The following PPP2R5C variants were observed in gnomAD, a reference collection of about 807,000 sequenced individuals.
PPP2R5C encodes protein phosphatase 2 regulatory subunit B'gamma, also known as serine/threonine-protein phosphatase 2A 56 kDa regulatory subunit gamma isoform.
PPP2R5C carries 7 observed loss-of-function variants against 68.9 expected under a neutral mutation model. The ratio of observed to expected loss-of-function variants is 0.10; its 90% CI spans 0.06 to 0.19. The LOEUF is 0.19. Ranked by LOEUF, PPP2R5C falls within the 10% of genes least tolerant of loss-of-function variation. The probability of loss-of-function intolerance (pLI) is 1.00; values close to 1 mark genes in which losing one functional copy is unlikely to be tolerated. For synonymous variants in PPP2R5C, 210 were observed against 222.2 expected (o/e 0.95, Z 0.49); for missense variants, 348 against 641.3 (o/e 0.54, Z 4.94).
In PPP2R5C at chr14:101,911,102, CA is replaced by C. The variant is rs11405783; in HGVS notation, c.1254-1285del. On this transcript the variant is annotated intron_variant, in intron 11 of 13. Coordinates refer to ENST00000334743, the Ensembl canonical transcript of PPP2R5C. Reference sequence around the variant, plus strand: ...TGGGAGACAGAGAGAGACTCCGTCTCAAAAAAAAAAAAAATACAAAAAAAAA... The same window carrying C: ...TGGGAGACAGAGAGAGACTCCGTCTCAAAAAAAAAAAAATACAAAAAAAAA... 1.6e-3 allele frequency among the ~76,000 whole-genome samples: 205 copies of C among 127,106 alleles called. 1 individual carries two copies. Among genetic ancestry groups the C allele is most frequent in the Middle Eastern group, 4.0e-3 (1 of 250 alleles). The allele number at this position is 127,106 out of a possible 152,430, so 83.4% of individuals were successfully genotyped here.
intron 1 of PPP2R5C, among the ~76,000 whole-genome samples, chr14:101,839,909 C>G (rs2041358315): frequency 6.6e-6 from 1 of 151,926 alleles, no homozygotes; most frequent in African/African-American, 2.4e-5. Context: ...GAGATGCCAG[C>G]AGTGTTCTCT....
At chr14:101,821,861 G>A (rs976288669) in intron 1 of PPP2R5C, among the ~76,000 whole-genome samples, 4 of 151,988 alleles carry the variant, frequency 2.6e-5, no homozygotes, top group African/African-American at 7.3e-5. Flanking sequence ...TGTGATGACC[G>A]GGCCAGAGTG....
intron 3 of PPP2R5C, among the ~76,000 whole-genome samples, chr14:101,791,075 G>T (rs144906582): frequency 6.6e-6 from 1 of 152,048 alleles, no homozygotes; most frequent in Non-Finnish European, 1.5e-5. Flanking sequence ...GCAAGACTCC[G>T]TCTCAAAAAA....
intron 13 of PPP2R5C, among the ~76,000 whole-genome samples, chr14:101,918,450 A>G (rs1418222080): frequency 8.6e-5 from 2 of 23,320 alleles, no homozygotes; most frequent in Admixed American, 5.6e-4. Context: ...TTCCCCCCTC[A>G]CCCCCTTCAT....
At chr14:101,911,606 G>T (rs893029645) in intron 11 of PPP2R5C, among the ~76,000 whole-genome samples, 1 of 152,140 alleles carries the variant, frequency 6.6e-6, no homozygotes, top group Non-Finnish European at 1.5e-5. Flanking sequence ...ATCCTGGCCG[G>T]GCGCAGTGGC....
intron 9 of PPP2R5C, among the ~76,000 whole-genome samples, chr14:101,905,681 T>G (rs1566958471): frequency 2.7e-5 from 4 of 147,954 alleles, no homozygotes; most frequent in Admixed American, 1.3e-4. Context: ...AAAAGAAAAA[T>G]GGGGGAACCA....
chr14:101,919,969 C>CAAAAAAAAAAAAAAAAAAAAAA (rs34641396), intron 13 of PPP2R5C, among the ~76,000 whole-genome samples: 2 of 52,882 alleles, frequency 3.8e-5, no homozygotes, highest in African/African-American at 9.0e-5. Flanking sequence ...AACTCCGTCT[C>CAAAAAAAAAAAAAAAAAAAAAA]AAAAAAAAAA....
intron 1 of PPP2R5C, among the ~76,000 whole-genome samples, chr14:101,841,421 A>G (rs1284152960): frequency 6.6e-6 from 1 of 152,234 alleles, no homozygotes; most frequent in African/African-American, 2.4e-5. Context: ...ACAGAAAAGT[A>G]GACTCTAGAG....
chr14:101,797,005 A>C lies in PPP2R5C; in HGVS notation c.259+10822A>C. ...CAACTCGGTGGTATTAGATACATTC[A>C]AAATGCTGTACACCCATCACTACTA... On this transcript the variant is annotated intron_variant, in intron 3 of 14. Coordinates refer to the PPP2R5C transcript ENST00000328724. The surrounding 1 kb of genome is among the most constrained non-coding windows in gnomAD (Gnocchi z 4.2). The C allele has an allele frequency of 2.7e-6, 1 of 372,822 alleles. No homozygotes were observed. Among genetic ancestry groups the C allele is most frequent in the South Asian group, 2.0e-5 (1 of 50,578 alleles). 23.1% of individuals were successfully genotyped at this position (372,822 alleles called of 1,614,324 possible). A position where few individuals can be genotyped will look rare whatever the true frequency, so the allele number is the denominator to read the frequency against.
intron 2 of PPP2R5C, among the ~76,000 whole-genome samples, chr14:101,779,380 G>A (rs1451648688): frequency 4.6e-5 from 7 of 152,302 alleles, no homozygotes; most frequent in African/African-American, 1.7e-4. Flanking sequence ...CTGAGGAGAT[G>A]GTGGGGCCTG....
rs576484988 is a variant in PPP2R5C at position 101,797,197 on chromosome 14, A to G, written c.259+11014A>G. ...CTGTGCCTGGCTTATTTCCCTAAAC[A>G]TAATATCTTCCAGGTCCCCCCACAT... On this transcript the variant is annotated intron_variant, in intron 3 of 14. Coordinates refer to the PPP2R5C transcript ENST00000328724. This position sits in a 1 kb window ranked among gnomAD's most constrained non-coding sequence, Gnocchi z 4.2. 155 of 455,632 alleles carry G rather than the reference A, an allele frequency of 3.4e-4. No individual in the cohort carries two copies. The highest frequency in any genetic ancestry group is 2.9e-3 in the African/African-American group (144 of 50,168). The allele number at this position is 455,632 out of a possible 1,614,324, so 28.2% of individuals were successfully genotyped here.
At chr14:101,872,712 G>C (rs1003832695) in intron 2 of PPP2R5C, among the ~76,000 whole-genome samples, 1 of 152,110 alleles carries the variant, frequency 6.6e-6, no homozygotes, top group South Asian at 2.1e-4. Context: ...AGCTTTCACA[G>C]TTGTCTCTTT....
At chr14:101,774,113 C>A (rs1366141750) in intron 2 of PPP2R5C, among the ~76,000 whole-genome samples, 1 of 152,182 alleles carries the variant, frequency 6.6e-6, no homozygotes, top group African/African-American at 2.4e-5. Flanking sequence ...AACAAGGAGA[C>A]CAACTGGAAG....
intron 1 of PPP2R5C, among the ~76,000 whole-genome samples, chr14:101,852,720 T>C (rs1746589): frequency 0.28 from 43,130 of 151,806 alleles, 6,470 homozygotes; most frequent in African/African-American, 0.37. Context: ...GATCCACCCA[T>C]CTCGGCCTCC....
intron 5 of PPP2R5C, among the ~76,000 whole-genome samples, chr14:101,887,972 C>T (rs551861571): frequency 1.3e-5 from 2 of 152,216 alleles, no homozygotes; most frequent in East Asian, 3.9e-4. Context: ...GTTTGTCTCC[C>T]GCTGGAAAAG....
At chr14:101,761,501 G>A (rs1359456352), upstream of PPP2R5C, among the ~76,000 whole-genome samples, 1 of 149,390 alleles carries the variant, frequency 6.7e-6, no homozygotes, top group Non-Finnish European at 1.5e-5. Context: ...GAGAGGGTGG[G>A]GGGAGCGGGG....
At chr14:101,816,299 G>C (rs61994042) in intron 1 of PPP2R5C, among the ~76,000 whole-genome samples, 1 of 152,168 alleles carries the variant, frequency 6.6e-6, no homozygotes, top group African/African-American at 2.4e-5. Flanking sequence ...TGGTCTAAAC[G>C]TGGGATAAAT....
intron 1 of PPP2R5C, among the ~76,000 whole-genome samples, chr14:101,821,603 T>C (rs113996630): frequency 0.027 from 4,180 of 152,250 alleles, 64 homozygotes; most frequent in Middle Eastern, 0.075. Flanking sequence ...CTTTTATACG[T>C]TTTTAGGATC....
At chr14:101,874,605 A>T (rs987156015) in intron 2 of PPP2R5C, among the ~76,000 whole-genome samples, 1 of 152,232 alleles carries the variant, frequency 6.6e-6, no homozygotes. Context: ...CATGCACATA[A>T]CTGTAAATGA....
Sources: gnomAD v4.1 joint callset for allele counts (sites outside exome capture counted in the v4.1 genomes callset) on GRCh38, gnomAD v4.1.1 for gene constraint, Gnocchi (gnomAD v3.1) non-coding constraint, MANE v1.5 for transcripts, NCBI Gene and HGNC (gene_info 2026-07-23, HGNC 2026-07-21) for gene names.